CD28: variants seen among roughly 807,000 people sequenced by gnomAD.
CD28 encodes the protein T-cell-specific surface glycoprotein CD28.
Under a neutral mutation model 21.4 loss-of-function variants are expected in CD28, and 8 were observed. That is an observed-to-expected ratio of 0.37 (90% confidence interval 0.22 to 0.68). The LOEUF is 0.68. CD28 is among the 30% of genes least tolerant of loss of function. CD28 has a pLI of 0.55. For missense variants in CD28, 239 were observed against 272.2 expected (o/e 0.88, Z 0.86); for synonymous variants, 106 against 104.0 (o/e 1.02, Z -0.12).
At chr2:203,715,483 C>T (rs1559551425) in intron 1 of CD28, among the ~76,000 whole-genome samples, 1 of 152,144 alleles carries the variant, frequency 6.6e-6, no homozygotes, top group Admixed American at 6.5e-5. Flanking sequence ...TTGGGTCACA[C>T]TGCATCTGAG....
At chr2:203,725,565 C>T (rs1693721213) in intron 1 of CD28, among the ~76,000 whole-genome samples, 1 of 151,824 alleles carries the variant, frequency 6.6e-6, no homozygotes, top group African/African-American at 2.4e-5. Flanking sequence ...GTGTTCTCTT[C>T]ACTTATGGAG....
At chr2:203,727,444 TC>T (rs1187835621) in intron 2 of CD28, among the ~76,000 whole-genome samples, 9 of 150,334 alleles carry the variant, frequency 6.0e-5, no homozygotes, top group Admixed American at 2.6e-4. Flanking sequence ...CTTCCTTCCT[TC>T]CTTCCTTCCT....
chr2:203,734,028 A>T (rs551141967), intron 3 of CD28, among the ~76,000 whole-genome samples: 1 of 152,342 alleles, frequency 6.6e-6, no homozygotes, highest in East Asian at 1.9e-4. Context: ...ATAATAGAGA[A>T]TTCTGAATCC....
Position 203,734,432 on chromosome 2 carries a change from C to T in CD28, c.535-352C>T, listed in dbSNP as rs114123426. ...TAAGCAAATGCTAATGTAAGAAGAT[C>T]ACAATGTGGGTAGGCTTAACCTAGT... On this transcript the variant is annotated intron_variant, in intron 3 of 3. Coordinates refer to ENST00000324106, the MANE Select transcript of CD28 (RefSeq NM_006139.4). Among the ~76,000 whole-genome samples, 719 of 152,334 alleles carry T rather than the reference C, an allele frequency of 4.7e-3. 6 individuals are homozygous for T. The highest frequency in any genetic ancestry group is 0.016 in the African/African-American group (674 of 41,564).
chr2:203,707,677 C>T (rs1693197057), intron 1 of CD28, among the ~76,000 whole-genome samples: 1 of 152,154 alleles, frequency 6.6e-6, no homozygotes, highest in Non-Finnish European at 1.5e-5. Context: ...TTACAGTTAA[C>T]TTCATTTCAG....
At chr2:203,710,917 A>G (rs1325917546) in intron 1 of CD28, among the ~76,000 whole-genome samples, 1 of 152,122 alleles carries the variant, frequency 6.6e-6, no homozygotes, top group Non-Finnish European at 1.5e-5. Context: ...TCTTCAAGAA[A>G]TTTATTATTT....
chr2:203,718,837 A>G (rs76305958), intron 1 of CD28, among the ~76,000 whole-genome samples: 2,493 of 152,326 alleles, frequency 0.016, 55 homozygotes, highest in African/African-American at 0.056. Context: ...ATGTGATTTC[A>G]TGTGTTGACT....
chr2:203,722,350 G>A (rs1446842543), intron 1 of CD28, among the ~76,000 whole-genome samples: 1 of 152,170 alleles, frequency 6.6e-6, no homozygotes, highest in Non-Finnish European at 1.5e-5. Flanking sequence ...AAACAAATTG[G>A]ATGTTTGTAT....
intron 3 of CD28, among the ~76,000 whole-genome samples, chr2:203,733,418 A>G (rs1693948994): frequency 6.6e-6 from 1 of 152,018 alleles, no homozygotes; most frequent in Admixed American, 6.5e-5. Flanking sequence ...GATGAGAAAC[A>G]CTGGTAAAAA....
At chr2:203,712,719 G>A (rs184505718) in intron 1 of CD28, among the ~76,000 whole-genome samples, 61 of 152,288 alleles carry the variant, frequency 4.0e-4, no homozygotes, top group Non-Finnish European at 7.1e-4. Context: ...ATAAATACTC[G>A]TAAGATTAAT....
chr2:203,723,492 A>T (rs142530190), intron 1 of CD28, among the ~76,000 whole-genome samples: 193 of 151,278 alleles, frequency 1.3e-3, no homozygotes, highest in African/African-American at 4.5e-3. Flanking sequence ...GTAAAAATAA[A>T]AAAAAAAAAG....
chr2:203,724,282 A>T (rs1487827637), intron 1 of CD28, among the ~76,000 whole-genome samples: 1 of 152,172 alleles, frequency 6.6e-6, no homozygotes, highest in African/African-American at 2.4e-5. Context: ...TGGAGTAATG[A>T]AAATGTTCTG....
intron 1 of CD28, among the ~76,000 whole-genome samples, chr2:203,708,272 A>G (rs1442110850): frequency 6.6e-6 from 1 of 152,326 alleles, no homozygotes; most frequent in East Asian, 1.9e-4. Context: ...TGTTGATATA[A>G]TGAAAGACAT....
chr2:203,727,938 A>G (rs1693796355), intron 2 of CD28, among the ~76,000 whole-genome samples: 1 of 152,074 alleles, frequency 6.6e-6, no homozygotes, highest in South Asian at 2.1e-4. Context: ...TGGCCTCCCA[A>G]AGTGCTGGGA....
intron 1 of CD28, among the ~76,000 whole-genome samples, chr2:203,710,974 A>G (rs958659195): frequency 3.9e-5 from 6 of 152,168 alleles, no homozygotes; most frequent in Non-Finnish European, 4.4e-5. Flanking sequence ...TACATAGTTG[A>G]GCTGAGCATC....
Position 203,735,414 on chromosome 2 carries a change from AC to A in CD28, c.*503del, listed in dbSNP as rs1694005663. 1 of 156,202 alleles carries A rather than the reference AC, an allele frequency of 6.4e-6. No homozygotes were observed. The highest frequency in any genetic ancestry group is 6.3e-5 in the Admixed American group (1 of 15,790). The allele number at this position is 156,202 out of a possible 1,614,324, so 9.7% of individuals were successfully genotyped here. ...GAAGACATATTTAAAAACCATTAAA[AC>A]ACTGTCTCCCACTCATGAAATGAGC... On this transcript the variant is annotated 3_prime_UTR_variant, in exon 4 of 4. Coordinates refer to ENST00000324106, the MANE Select transcript of CD28 (RefSeq NM_006139.4).
chr2:203,726,690 A>G lies in CD28; in HGVS notation c.110A>G (p.Asn37Ser). 1 of 1,614,108 alleles carries G rather than the reference A, an allele frequency of 6.2e-7. No individual in the cohort carries two copies. The highest frequency in any genetic ancestry group is 1.1e-5 in the South Asian group (1 of 91,068). ...PMLVAYDNAV[N>S]LSCKYSYNLF... Reference sequence around the variant, plus strand: ...CTTGTAGCGTACGACAATGCGGTCAACCTTAGCTGCAAGTATTCCTACAAT... The same window carrying G: ...CTTGTAGCGTACGACAATGCGGTCAGCCTTAGCTGCAAGTATTCCTACAAT... Residue 37 changes from asparagine to serine, a missense_variant, in exon 2 of 4, where the codon AAC becomes AGC. Physicochemically the swap from Asn to Ser is conservative, Grantham distance 46 (BLOSUM62 1). Transcript: ENST00000324106.
intron 3 of CD28, among the ~76,000 whole-genome samples, chr2:203,731,879 G>T (rs575969487): frequency 6.6e-6 from 1 of 152,252 alleles, no homozygotes; most frequent in South Asian, 2.1e-4. Flanking sequence ...CCTGTCATTT[G>T]TGGCCTCTTG....
chr2:203,732,238 G>C (rs1693913591), intron 3 of CD28, among the ~76,000 whole-genome samples: 1 of 152,148 alleles, frequency 6.6e-6, no homozygotes, highest in African/African-American at 2.4e-5. Context: ...GGTTGAGTGG[G>C]TTTCTAGGCT....
Sources: gnomAD v4.1 joint callset for allele counts (sites outside exome capture counted in the v4.1 genomes callset) on GRCh38, gnomAD v4.1.1 for gene constraint, MANE v1.5 for transcripts, NCBI Gene and HGNC (gene_info 2026-07-23, HGNC 2026-07-21) for gene names.